Variants in NFE2L3 observed in about 807,000 individuals in gnomAD.
NFE2L3 encodes NFE2 like bZIP transcription factor 3, also known as nuclear factor erythroid 2-related factor 3.
A neutral mutation model predicts 23.5 loss-of-function variants in NFE2L3; 18 were observed. That is an observed-to-expected ratio of 0.77 (90% CI 0.53 to 1.13). The LOEUF (loss-of-function observed/expected upper bound fraction) is 1.13. NFE2L3 is among the 50% of genes most tolerant of loss of function. The pLI is 0.00. For synonymous variants in NFE2L3, 424 were observed against 354.5 expected, an observed-to-expected ratio of 1.20 and a Z score of -2.20; for missense variants, 1,152 against 877.2, an observed-to-expected ratio of 1.31 and a Z score of -3.96.
intron 1 of NFE2L3, among the ~76,000 whole-genome samples, chr7:26,166,067 T>C (rs1330697478): frequency 1.3e-5 from 2 of 151,556 alleles, no homozygotes; most frequent in Non-Finnish European, 2.9e-5. Context: ...ACTGGATTTG[T>C]ATGCAGTCAG....
At chr7:26,153,124 C>A in intron 1 of NFE2L3, 56 bp downstream of exon 1, 1 of 1,467,070 alleles carries the variant, frequency 6.8e-7, no homozygotes, top group Non-Finnish European at 9.0e-7. Flanking sequence ...CGGGAGCCCC[C>A]GAGGCTTGTG....
chr7:26,180,852 TAA>T (rs1784493867), intron 2 of NFE2L3, among the ~76,000 whole-genome samples: 1 of 152,220 alleles, frequency 6.6e-6, no homozygotes, highest in Admixed American at 6.5e-5. Context: ...AGAAACATAT[TAA>T]TCATTCAAAG....
intron 3 of NFE2L3, 95 bp from the exon 4 acceptor site, chr7:26,184,438 A>G: frequency 1.8e-6 from 2 of 1,102,602 alleles, no homozygotes; most frequent in South Asian, 1.5e-5. Context: ...AATGTAGAGG[A>G]ATTGACAAAA....
rs1364445341 is a variant in NFE2L3 at position 26,183,984 on chromosome 7, CT to C, written c.834+201del. 1.7e-5 allele frequency: 9 copies of C among 525,688 alleles called. No individual in the cohort carries two copies. In the Middle Eastern group the frequency reaches 2.5e-3, roughly 144 times the overall value. 32.6% of individuals were successfully genotyped at this position (525,688 alleles called of 1,614,324 possible). ...TCCCAAAGGTATAATCAAATTTAGA[CT>C]AGTCATGGAAAACAGCGTGGAGATT... On this transcript the variant is annotated intron_variant, in intron 3 of 3. Transcript: ENST00000056233.
intron 2 of NFE2L3, among the ~76,000 whole-genome samples, chr7:26,182,263 T>C (rs919100712): frequency 6.6e-6 from 1 of 151,920 alleles, no homozygotes; most frequent in Non-Finnish European, 1.5e-5. Context: ...TAAGACAGAG[T>C]ACTGAGGGAA....
At chr7:26,181,015 C>T (rs185030814) in intron 2 of NFE2L3, among the ~76,000 whole-genome samples, 1 of 151,724 alleles carries the variant, frequency 6.6e-6, no homozygotes, top group Admixed American at 6.6e-5. Context: ...CTCACTCTGT[C>T]ACCCAGGCTA....
chr7:26,181,598 G>A lies in NFE2L3; in HGVS notation c.751-2103G>A, dbSNP rs531858251. On this transcript the variant is annotated intron_variant, in intron 2 of 3. Transcript: ENST00000056233. Reference sequence around the variant, plus strand: ...GAAAATGATATAAACACTGGTTCTTGAAAAGAAAAATGCAAAACTGCTCCC... The same window carrying A: ...GAAAATGATATAAACACTGGTTCTTAAAAAGAAAAATGCAAAACTGCTCCC... 9.9e-5 allele frequency among the ~76,000 whole-genome samples: 15 copies of A among 152,116 alleles called. No individual in the cohort carries two copies. In the South Asian group the frequency reaches 2.9e-3, roughly 30 times the overall value.
chr7:26,164,880 A>C (rs1299410402), intron 1 of NFE2L3, among the ~76,000 whole-genome samples: 5 of 152,240 alleles, frequency 3.3e-5, no homozygotes, highest in Admixed American at 2.0e-4. Flanking sequence ...ACATATGGCT[A>C]GCCAGTTTTC....
At chr7:26,166,720 GAC>G (rs1344924313) in intron 1 of NFE2L3, among the ~76,000 whole-genome samples, 2 of 152,180 alleles carry the variant, frequency 1.3e-5, no homozygotes, top group Non-Finnish European at 2.9e-5. Flanking sequence ...GGCCAAACAG[GAC>G]ACAGTCTCTC....
chr7:26,182,993 CCCAA>C (rs1782363403), intron 2 of NFE2L3, among the ~76,000 whole-genome samples: 1 of 151,980 alleles, frequency 6.6e-6, no homozygotes, highest in Admixed American at 6.5e-5. Flanking sequence ...TGTTGTGTTG[CCCAA>C]GCTGGTCTCC....
Position 26,152,710 on chromosome 7 carries a change from C to T in NFE2L3, c.212C>T (p.Ala71Val), listed in dbSNP as rs1222183033. 9.5e-6 allele frequency: 14 copies of T among 1,476,142 alleles called. No homozygotes were observed. The East Asian group carries it at 3.1e-4, about 33-fold the overall frequency. The allele number at this position is 1,476,142 out of a possible 1,614,324, so 91.4% of individuals were successfully genotyped here. The change falls in exon 1 of 4, where the codon GCG (alanine) becomes GTG (valine). Residue 71 changes from alanine (A) to valine (V), a missense_variant. Transcript: ENST00000056233. The surrounding 1 kb of genome is among the most constrained non-coding windows in gnomAD (Gnocchi z 4.4). ...TCGGCCTCGGGAGGGTGGGGGCGCG[C>T]GGGCCACTTGCACCCCAAGGGCCGG... ...PFSASGGWGRAGHLHPKGREL... is the reference protein window; with the variant it reads ...PFSASGGWGRVGHLHPKGREL...
chr7:26,184,460 A>C (rs1217747861), intron 3 of NFE2L3, 73 bp from the exon 4 acceptor site: 15 of 1,375,624 alleles, frequency 1.1e-5, no homozygotes, highest in Non-Finnish European at 1.4e-5. Context: ...AGGGGAAAGA[A>C]AGTTGTTAGG....
chr7:26,178,304 G>C (rs1422719893), intron 2 of NFE2L3, among the ~76,000 whole-genome samples, 182 bp downstream of exon 2: 1 of 152,178 alleles, frequency 6.6e-6, no homozygotes, highest in Non-Finnish European at 1.5e-5. Context: ...AAATGAATTA[G>C]CCCATACAAT....
At chr7:26,183,155 A>T (rs1782366402) in intron 2 of NFE2L3, among the ~76,000 whole-genome samples, 1 of 152,202 alleles carries the variant, frequency 6.6e-6, no homozygotes, top group Non-Finnish European at 1.5e-5. Flanking sequence ...TGAAACTAAC[A>T]ATTAGCCAAA....
intron 1 of NFE2L3, among the ~76,000 whole-genome samples, chr7:26,163,583 G>A (rs979826137): frequency 2.6e-5 from 4 of 152,082 alleles, no homozygotes; most frequent in South Asian, 2.1e-4. Context: ...CTGACCTCAG[G>A]TGATCCGCCC....
At chr7:26,155,047 T>C (rs1784060866) in intron 1 of NFE2L3, among the ~76,000 whole-genome samples, 1 of 152,244 alleles carries the variant, frequency 6.6e-6, no homozygotes, top group Non-Finnish European at 1.5e-5. Flanking sequence ...AAAAATCAGC[T>C]GTCCAGCTCC....
chr7:26,180,025 A>AC (rs1784478504), intron 2 of NFE2L3, among the ~76,000 whole-genome samples: 2 of 151,758 alleles, frequency 1.3e-5, no homozygotes, highest in Admixed American at 1.3e-4. Flanking sequence ...CATGCATCTC[A>AC]CCTCTTCAGG....
chr7:26,164,109 A>G (rs951017467), intron 1 of NFE2L3, among the ~76,000 whole-genome samples: 2 of 152,250 alleles, frequency 1.3e-5, no homozygotes, highest in Non-Finnish European at 2.9e-5. Flanking sequence ...TAGTGCCACA[A>G]TAAACATATG....
chr7:26,177,018 C>G (rs1464421442), intron 1 of NFE2L3, among the ~76,000 whole-genome samples: 2 of 31,646 alleles, frequency 6.3e-5, no homozygotes, highest in Non-Finnish European at 4.9e-5. Context: ...CGGGCAGAGG[C>G]GCTCCTCACA....
Sources: gnomAD v4.1 joint callset for allele counts (sites outside exome capture counted in the v4.1 genomes callset) on GRCh38, gnomAD v4.1.1 for gene constraint, Gnocchi (gnomAD v3.1) non-coding constraint, MANE v1.5 for transcripts, NCBI Gene and HGNC (gene_info 2026-07-23, HGNC 2026-07-21) for gene names.